Variants in SLC14A1 observed in about 807,000 individuals in gnomAD.
The protein encoded by SLC14A1 is solute carrier family 14 member 1 (Kidd blood group).
In SLC14A1, 36 loss-of-function variants were observed where a neutral mutation model predicts 39.6. The ratio of observed to expected loss-of-function variants is 0.91; its 90% CI spans 0.70 to 1.20. SLC14A1 has a LOEUF of 1.20. Ranked by LOEUF, SLC14A1 falls within the 50% of genes most tolerant of loss-of-function variation. The probability of loss-of-function intolerance (pLI) is 0.00; values close to 1 mark genes in which losing one functional copy is unlikely to be tolerated. For missense variants in SLC14A1, 469 were observed against 478.7 expected (o/e 0.98, Z 0.19); for synonymous variants, 164 against 173.6 (o/e 0.94, Z 0.43).
chr18:45,739,911 T>C, intron 8 of SLC14A1: 1 of 555,406 alleles, frequency 1.8e-6, no homozygotes, highest in South Asian at 2.0e-5. Context: ...AAAACATGGA[T>C]GTTTGGGAGG....
At chr18:45,726,312 A>G (rs2046860410) in intron 2 of SLC14A1, among the ~76,000 whole-genome samples, 5 of 152,224 alleles carry the variant, frequency 3.3e-5, no homozygotes, top group Admixed American at 3.3e-4. Context: ...AGAAGAAAGT[A>G]AAAACAGAAT....
In SLC14A1 at chr18:45,727,282, G is replaced by T. The variant is rs1281624004; in HGVS notation, c.-22+2269G>T. On this transcript the variant is annotated intron_variant, in intron 2 of 9. Coordinates refer to ENST00000321925, the MANE Select transcript of SLC14A1 (RefSeq NM_015865.7). ...TGAGAAAAAGTAAGGATGAATGGAC[G>T]GTCTTTGATTGGCGGCGCTGGTGAC... The T allele has an allele frequency of 2.6e-6, 4 of 1,551,560 alleles. No individual in the cohort carries two copies. The African/African-American group carries it at 5.5e-5, about 21-fold the overall frequency.
At chr18:45,741,087 C>G (rs1469556049) in intron 8 of SLC14A1, 1 of 152,276 alleles carries the variant, frequency 6.6e-6, no homozygotes, top group Non-Finnish European at 1.5e-5. Flanking sequence ...CCCCCGGAAC[C>G]CACACTTACC....
At chr18:45,739,999 C>T (rs2047316289) in intron 8 of SLC14A1, 1 of 376,882 alleles carries the variant, frequency 2.7e-6, no homozygotes. Context: ...GCATGCCACA[C>T]ATGCCTTCTC....
At chr18:45,738,210 C>T (rs1309766836) in intron 6 of SLC14A1, among the ~76,000 whole-genome samples, 1 of 152,210 alleles carries the variant, frequency 6.6e-6, no homozygotes, top group East Asian at 1.9e-4. Context: ...AAAGCTGGGG[C>T]TCCCTCTGGT....
chr18:45,739,422 A>G (rs2047292104), intron 7 of SLC14A1, 106 bp from the exon 8 acceptor site: 15 of 1,605,936 alleles, frequency 9.3e-6, no homozygotes, highest in Non-Finnish European at 1.3e-5. Context: ...CTAGGGACCA[A>G]TGGGAGTTCC....
At chr18:45,736,380 C>A in intron 5 of SLC14A1, 76 bp from the exon 6 acceptor site, 1 of 1,435,686 alleles carries the variant, frequency 7.0e-7, no homozygotes, top group Non-Finnish European at 9.8e-7. Context: ...GAAACAAAGC[C>A]CCTCCAGAGT....
At position 45,731,251 on chromosome 18, in the gene SLC14A1, G is replaced by T. The variant is rs1440851144; in HGVS notation, c.341+47G>T. The T allele has an allele frequency of 1.9e-6, 3 of 1,561,428 alleles. No homozygotes were observed. The African/African-American group carries it at 4.1e-5, about 21-fold the overall frequency. On this transcript the variant is annotated intron_variant, in intron 4 of 9. Coordinates refer to ENST00000321925, the MANE Select transcript of SLC14A1 (RefSeq NM_015865.7). ...TTCTCAGCTCCCTTCTGAGACACAG[G>T]GGCTGACCAGTTACTGTGGGCAACA... is the stretch of plus-strand genomic sequence containing the variant.
Position 45,751,355 on chromosome 18 carries a change from AAAC to A in SLC14A1, c.*1407_*1409del, listed in dbSNP as rs71177691. The A allele has an allele frequency of 0.033, 25,237 of 757,350 alleles. 645 individuals carry two copies. The highest frequency in any genetic ancestry group is 0.037 in the Non-Finnish European group (23,094 of 632,704). The allele number at this position is 757,350 out of a possible 1,614,324, so 46.9% of individuals were successfully genotyped here. ...AACTGTGTCTCTCAAAAAAAAAAAA[AAAC>A]AAACAAAAACAAAAACAAAACAAAA... On this transcript the variant is annotated 3_prime_UTR_variant, in exon 10 of 10. Transcript: ENST00000321925.
At position 45,750,067 on chromosome 18, in the gene SLC14A1, C is replaced by T. The variant is rs185041114; in HGVS notation, c.*116C>T. ...ACGAGTATCAACTTTCATACTGACG[C>T]GTCTGTAATCTGTTCTTATGCTCAT... On this transcript the variant is annotated 3_prime_UTR_variant, in exon 10 of 10. Transcript: ENST00000321925. 3.8e-4 allele frequency: 609 copies of T among 1,600,602 alleles called. 1 individual carries two copies. Among genetic ancestry groups the T allele is most frequent in the Non-Finnish European group, 3.3e-4 (390 of 1,177,524 alleles).
chr18:45,731,182 G>T lies in SLC14A1; in HGVS notation c.319G>T (p.Ala107Ser), dbSNP rs767190652. 34 of 1,613,680 alleles carry T rather than the reference G, an allele frequency of 2.1e-5. No homozygotes were observed. In the East Asian group the frequency reaches 7.1e-4, roughly 34 times the overall value. The change falls in exon 4 of 10, where the codon GCC becomes TCC. Residue 107 changes from alanine (A) to serine (S), a missense_variant. Physicochemically the swap from Ala to Ser is moderately conservative, Grantham distance 99 (BLOSUM62 1). Coordinates refer to ENST00000321925, the MANE Select transcript of SLC14A1 (RefSeq NM_015865.7). The part of the protein sequence containing the change: ...WLGTVVSTLM[A>S]LLLSQDRSLI... ...GGGAACAGTGGTCTCCACTCTGATG[G>T]CCCTCTTGCTCAGCCAGGACAGGTA...
intron 6 of SLC14A1, 136 bp from the exon 7 acceptor site, chr18:45,739,027 T>C (rs1318222044): frequency 3.2e-6 from 3 of 939,802 alleles, no homozygotes; most frequent in Non-Finnish European, 5.2e-6. Flanking sequence ...GAGAGAATTT[T>C]AAATGGTATT....
At chr18:45,736,348 C>T (rs1161881808) in intron 5 of SLC14A1, 108 bp from the exon 6 acceptor site, 17 of 1,036,548 alleles carry the variant, frequency 1.6e-5, no homozygotes, top group South Asian at 6.4e-5. Context: ...CAACACAACA[C>T]GTAAGGGGCC....
chr18:45,752,239 G>A lies in SLC14A1; in HGVS notation c.*2288G>A. On this transcript the variant is annotated 3_prime_UTR_variant, in exon 10 of 10. Transcript: ENST00000321925. ...CAAGCATAACCAAAGATCATCAGCA[G>A]TGAAGAATCTAGGCTGTGGCTGAGA... The A allele has an allele frequency of 1.0e-6, 1 of 985,418 alleles. No individual in the cohort carries two copies. The highest frequency in any genetic ancestry group is 1.2e-6 in the Non-Finnish European group (1 of 829,926). The allele number at this position is 985,418 out of a possible 1,614,324, so 61.0% of individuals were successfully genotyped here.
chr18:45,735,998 C>T (rs1396520946), intron 5 of SLC14A1, among the ~76,000 whole-genome samples: 1 of 152,188 alleles, frequency 6.6e-6, no homozygotes, highest in East Asian at 1.9e-4. Context: ...CTCACACTAC[C>T]TGCATCCTTG....
At chr18:45,730,933 C>A in intron 3 of SLC14A1, 82 bp from the exon 4 acceptor site, 1 of 1,224,248 alleles carries the variant, frequency 8.2e-7, no homozygotes, top group Non-Finnish European at 1.2e-6. Flanking sequence ...GGAGGTTTTG[C>A]TGATTTTGCT....
At chr18:45,748,074 T>G (rs1458844804) in intron 8 of SLC14A1, among the ~76,000 whole-genome samples, 1 of 152,200 alleles carries the variant, frequency 6.6e-6, no homozygotes, top group African/African-American at 2.4e-5. Flanking sequence ...AAAACTACCT[T>G]TATTGAGCAC....
chr18:45,732,536 A>C (rs1311265435), intron 4 of SLC14A1, among the ~76,000 whole-genome samples: 1 of 152,254 alleles, frequency 6.6e-6, no homozygotes, highest in Non-Finnish European at 1.5e-5. Context: ...TTTAATGTTC[A>C]TCTGGATTAA....
intron 4 of SLC14A1, chr18:45,731,425 G>A (rs2047026618): frequency 3.3e-6 from 2 of 602,438 alleles, no homozygotes; most frequent in African/African-American, 3.7e-5. Context: ...CCAGATTCTT[G>A]TGGCATTACG....
Sources: gnomAD v4.1 joint callset for allele counts (sites outside exome capture counted in the v4.1 genomes callset) on GRCh38, gnomAD v4.1.1 for gene constraint, MANE v1.5 for transcripts, NCBI Gene and HGNC (gene_info 2026-07-23, HGNC 2026-07-21) for gene names.